The following C1orf141 variants were observed in gnomAD, a reference collection of about 807,000 sequenced individuals.
The protein encoded by C1orf141 is uncharacterized protein C1orf141.
C1orf141 carries 19 observed loss-of-function variants against 23.2 expected under a neutral mutation model. That is an observed-to-expected ratio of 0.82 (90% CI 0.57 to 1.20). The LOEUF (loss-of-function observed/expected upper bound fraction) is 1.20. Ranked by LOEUF, C1orf141 falls within the 50% of genes most tolerant of loss-of-function variation. The pLI is 0.00. For synonymous variants in C1orf141, 153 were observed against 154.6 expected, an observed-to-expected ratio of 0.99 and a Z score of 0.08; for missense variants, 469 against 455.1, an observed-to-expected ratio of 1.03 and a Z score of -0.28.
At chr1:67,105,408 T>C (rs1645902673) in intron 5 of C1orf141, among the ~76,000 whole-genome samples, 1 of 151,856 alleles carries the variant, frequency 6.6e-6, no homozygotes, top group Non-Finnish European at 1.5e-5. Context: ...AACATCATCA[T>C]TAATGGTAAT....
chr1:67,121,242 A>G (rs1368740650), intron 4 of C1orf141, among the ~76,000 whole-genome samples: 1 of 152,206 alleles, frequency 6.6e-6, no homozygotes, highest in Non-Finnish European at 1.5e-5. Flanking sequence ...TTGCTGAACC[A>G]AATAATAGTT....
intron 5 of C1orf141, among the ~76,000 whole-genome samples, chr1:67,111,288 T>C (rs976792084): frequency 3.3e-5 from 5 of 152,144 alleles, no homozygotes; most frequent in Non-Finnish European, 5.9e-5. Context: ...AAGTTTTACA[T>C]GTATGTTTTT....
At chr1:67,126,034 G>T in intron 3 of C1orf141, 125 bp from the exon 4 acceptor site, 4 of 1,065,622 alleles carry the variant, frequency 3.8e-6, no homozygotes, top group Admixed American at 2.9e-5. Flanking sequence ...TAGGTGGCAG[G>T]CAATAATGGA....
At chr1:67,123,749 A>T (rs367882238) in intron 4 of C1orf141, 1 of 152,040 alleles carries the variant, frequency 6.6e-6, no homozygotes, top group Non-Finnish European at 1.5e-5. Flanking sequence ...CTGAGATTTG[A>T]CCCTACTTAC....
At chr1:67,113,418 T>G (rs2102461858) in intron 5 of C1orf141, among the ~76,000 whole-genome samples, 1 of 151,934 alleles carries the variant, frequency 6.6e-6, no homozygotes, top group East Asian at 1.9e-4. Flanking sequence ...CAGGCTAGAG[T>G]GCAATGGTGC....
At chr1:67,135,865 T>G (rs186595956), upstream of C1orf141, among the ~76,000 whole-genome samples, 532 of 111,106 alleles carry the variant, frequency 4.8e-3, 6 homozygotes, top group African/African-American at 0.018. Flanking sequence ...AGCACCAGAA[T>G]TAATCATCAC....
At chr1:67,095,571 C>G (rs1645658416) in intron 6 of C1orf141, 150 bp from the exon 7 acceptor site, 1 of 539,216 alleles carries the variant, frequency 1.9e-6, no homozygotes, top group East Asian at 3.0e-5. Context: ...ATCATCCCGT[C>G]CTGCCTGGTT....
intron 1 of C1orf141, 56 bp downstream of exon 1, chr1:67,134,874 C>G (rs1339093751): frequency 6.6e-6 from 1 of 152,316 alleles, no homozygotes; most frequent in African/African-American, 2.4e-5. Context: ...CGCCTCCCAC[C>G]CTCATGCAAA....
intron 1 of C1orf141, among the ~76,000 whole-genome samples, chr1:67,133,113 CA>C (rs1646544044): frequency 6.6e-6 from 1 of 152,166 alleles, no homozygotes; most frequent in Non-Finnish European, 1.5e-5. Flanking sequence ...TTTATTTTAA[CA>C]GCACCTTTGG....
chr1:67,098,481 C>A (rs1245045501), intron 5 of C1orf141, among the ~76,000 whole-genome samples: 1 of 151,794 alleles, frequency 6.6e-6, no homozygotes. Context: ...GATCGTGCCA[C>A]CACACTCCAG....
chr1:67,140,074 G>T (rs886814417), intron 1 of C1orf141, among the ~76,000 whole-genome samples: 2 of 152,126 alleles, frequency 1.3e-5, no homozygotes, highest in African/African-American at 4.8e-5. Context: ...ACCAGATGTG[G>T]CCCCTCAACC....
chr1:67,129,675 A>T (rs1646482959), intron 2 of C1orf141, among the ~76,000 whole-genome samples: 1 of 152,206 alleles, frequency 6.6e-6, no homozygotes, highest in South Asian at 2.1e-4. Flanking sequence ...GGCACAGAAC[A>T]TCGCTCCAAA....
At chr1:67,106,364 G>A (rs946877745) in intron 5 of C1orf141, among the ~76,000 whole-genome samples, 1 of 152,100 alleles carries the variant, frequency 6.6e-6, no homozygotes, top group African/African-American at 2.4e-5. Flanking sequence ...TATGCTTGAT[G>A]GGTCAGGCAC....
At chr1:67,128,514 G>T (rs1400946936) in intron 2 of C1orf141, among the ~76,000 whole-genome samples, 1 of 151,986 alleles carries the variant, frequency 6.6e-6, no homozygotes, top group Non-Finnish European at 1.5e-5. Flanking sequence ...GACCAGCCTG[G>T]CCAACATACT....
intron 5 of C1orf141, among the ~76,000 whole-genome samples, chr1:67,101,549 T>C (rs1292240519): frequency 6.6e-6 from 1 of 151,876 alleles, no homozygotes; most frequent in Non-Finnish European, 1.5e-5. Context: ...GCTCTTTCAA[T>C]GGTTATTCCT....
Position 67,127,338 on chromosome 1 carries a change from C to G in C1orf141, c.-17-81G>C, listed in dbSNP as rs548206787. 15 of 744,728 alleles carry G rather than the reference C, an allele frequency of 2.0e-5. No homozygotes were observed. The African/African-American group carries it at 2.1e-4, about 10-fold the overall frequency. The allele number at this position is 744,728 out of a possible 1,614,324, so 46.1% of individuals were successfully genotyped here. On this transcript the variant is annotated intron_variant, in intron 2 of 7. Coordinates refer to ENST00000684719, the MANE Select transcript of C1orf141 (RefSeq NM_001276351.2). Reference sequence around the variant, plus strand: ...TAGGCATAAGTTTTCAAAAGACTCACTTTTACATTACTGTTTTAGGTAAAT... The same window carrying G: ...TAGGCATAAGTTTTCAAAAGACTCAGTTTTACATTACTGTTTTAGGTAAAT...
At chr1:67,119,141 T>C (rs1321153) in intron 4 of C1orf141, among the ~76,000 whole-genome samples, 135,618 of 152,164 alleles carry the variant, frequency 0.89, 60,669 homozygotes, top group East Asian at 0.97. Context: ...GGTGAGGGCT[T>C]AAAAAGAAAA....
In C1orf141 at chr1:67,093,163, T is replaced by C. The variant is rs754917761; in HGVS notation, c.1045A>G (p.Arg349Gly). Residue 349 changes from arginine (R) to glycine (G), a missense_variant, in exon 8 of 8, where the codon AGA becomes GGA. Physicochemically the swap from Arg to Gly is moderately radical, Grantham distance 125 (BLOSUM62 -2). Transcript: ENST00000684719. ...EMSAQTGKFE[R>G]MFSAGKPTSI... Reference sequence around the variant, plus strand: ...GTTGGTTTTCCTGCAGAAAACATTCTTTCAAATTTTCCAGTTTGGGCACTC... The same window carrying C: ...GTTGGTTTTCCTGCAGAAAACATTCCTTCAAATTTTCCAGTTTGGGCACTC... 1.2e-6 allele frequency: 2 copies of C among 1,613,986 alleles called. No individual in the cohort carries two copies. Among genetic ancestry groups the C allele is most frequent in the East Asian group, 2.2e-5 (1 of 44,846 alleles).
At chr1:67,103,403 A>C in intron 5 of C1orf141, 1 of 1,335,992 alleles carries the variant, frequency 7.5e-7, no homozygotes. Context: ...GGAAAAATGG[A>C]AAATTATCTT....
Sources: gnomAD v4.1 joint callset for allele counts (sites outside exome capture counted in the v4.1 genomes callset) on GRCh38, gnomAD v4.1.1 for gene constraint, MANE v1.5 for transcripts, NCBI Gene and HGNC (gene_info 2026-07-23, HGNC 2026-07-21) for gene names.